Variants in KLF7 observed in about 807,000 individuals in gnomAD.
KLF7 encodes the protein KLF transcription factor 7.
KLF7 carries 2 observed loss-of-function variants against 27.3 expected under a neutral mutation model. The observed-to-expected ratio is 0.07, with a 90% CI of 0.03 to 0.23. The LOEUF (loss-of-function observed/expected upper bound fraction) is 0.23. Ranked by LOEUF, KLF7 falls within the 10% of genes least tolerant of loss-of-function variation. KLF7 has a pLI of 1.00. For synonymous variants in KLF7, 165 were observed against 162.4 expected (o/e 1.02, Z -0.12); for missense variants, 221 against 394.1 (o/e 0.56, Z 3.72).
chr2:207,107,144 G>A (rs2105924340), intron 2 of KLF7, among the ~76,000 whole-genome samples: 1 of 151,988 alleles, frequency 6.6e-6, no homozygotes, highest in Admixed American at 6.5e-5. Flanking sequence ...AAAACTTCAG[G>A]GCATCTCACC....
intron 2 of KLF7, among the ~76,000 whole-genome samples, chr2:207,091,053 C>A (rs1042398628): frequency 2.6e-5 from 4 of 152,090 alleles, no homozygotes; most frequent in Non-Finnish European, 5.9e-5. Flanking sequence ...TCTACAGCAA[C>A]AAGCAGAGAC....
intron 2 of KLF7, among the ~76,000 whole-genome samples, chr2:207,097,966 A>C (rs556881325): frequency 1.3e-5 from 2 of 152,222 alleles, no homozygotes; most frequent in African/African-American, 4.8e-5. Flanking sequence ...ACAAAAACTC[A>C]TAACTGTTTA....
At chr2:207,119,105 C>A (rs2077267593) in intron 2 of KLF7, among the ~76,000 whole-genome samples, 1 of 152,190 alleles carries the variant, frequency 6.6e-6, no homozygotes, top group East Asian at 1.9e-4. Flanking sequence ...TATCACCACC[C>A]ATGGTTTAGG....
chr2:207,096,156 TAG>T (rs1559117378), intron 2 of KLF7, among the ~76,000 whole-genome samples: 2 of 152,154 alleles, frequency 1.3e-5, no homozygotes, highest in Admixed American at 6.5e-5. Flanking sequence ...CTCAAAATCT[TAG>T]AGTTATTTTT....
In KLF7 at chr2:207,075,083, A is replaced by C. The variant is rs1333689506; in HGVS notation, c.*6130T>G. The stretch of plus-strand genomic sequence containing the variant: ...AAACAAGCTAAGGAGAAATACAGTA[A>C]AGTATTCCAAGGCCAAACACATTCT... On this transcript the variant is annotated 3_prime_UTR_variant, in exon 4 of 4. Transcript: ENST00000309446. 1 of 152,224 alleles carries C rather than the reference A, an allele frequency of 6.6e-6. No individual in the cohort carries two copies. The highest frequency in any genetic ancestry group is 2.4e-5 in the African/African-American group (1 of 41,462). 9.4% of individuals were successfully genotyped at this position (152,224 alleles called of 1,614,324 possible).
intron 2 of KLF7, among the ~76,000 whole-genome samples, chr2:207,092,051 CTT>C (rs771648098): frequency 5.3e-5 from 8 of 152,208 alleles, no homozygotes; most frequent in Non-Finnish European, 1.2e-4. Context: ...AAAATCAGCT[CTT>C]CTCTTTCACT....
intron 1 of KLF7, among the ~76,000 whole-genome samples, chr2:207,126,611 C>T (rs546299757): frequency 6.6e-6 from 1 of 152,270 alleles, no homozygotes; most frequent in Non-Finnish European, 1.5e-5. Flanking sequence ...ATCAGTATGC[C>T]TGGGCAACAC....
intron 1 of KLF7, among the ~76,000 whole-genome samples, chr2:207,126,794 A>G (rs1267383697): frequency 1.4e-4 from 20 of 147,992 alleles, no homozygotes; most frequent in Admixed American, 1.2e-3. Flanking sequence ...CAAGACAGCG[A>G]GACCCTGTTT....
intron 1 of KLF7, among the ~76,000 whole-genome samples, chr2:207,130,455 G>A (rs1408457841): frequency 4.6e-5 from 7 of 152,184 alleles, no homozygotes; most frequent in East Asian, 1.9e-4. Context: ...TATACCATAC[G>A]TTCCTAAACA....
At chr2:207,121,249 G>A (rs2077333063) in intron 2 of KLF7, among the ~76,000 whole-genome samples, 1 of 152,142 alleles carries the variant, frequency 6.6e-6, no homozygotes, top group African/African-American at 2.4e-5. Context: ...GGAGCGAGAG[G>A]GAAAAAGCTT....
intron 1 of KLF7, among the ~76,000 whole-genome samples, chr2:207,135,609 A>T (rs1057495331): frequency 3.9e-5 from 6 of 152,200 alleles, no homozygotes; most frequent in Non-Finnish European, 8.8e-5. Context: ...ATCAACTCCC[A>T]AACAATCAAA....
chr2:207,124,425 G>T, intron 1 of KLF7, 21 bp from the exon 2 acceptor site: 1 of 1,535,332 alleles, frequency 6.5e-7, no homozygotes, highest in Non-Finnish European at 8.8e-7. Context: ...AAGAAGGAGG[G>T]AGAGAAACAG....
chr2:207,147,306 T>TA (rs1364937639), intron 1 of KLF7, among the ~76,000 whole-genome samples: 1 of 152,064 alleles, frequency 6.6e-6, no homozygotes, highest in Non-Finnish European at 1.5e-5. Flanking sequence ...AAATTGCTCT[T>TA]AAAAAAATTA....
Position 207,080,965 on chromosome 2 carries a change from C to A in KLF7, c.*248G>T. ...GGTTTCCTTCTTCATCTTCTTCCAT[C>A]TGGCTAGGGCAAGGCATAAAGAATA... On this transcript the variant is annotated 3_prime_UTR_variant, in exon 4 of 4. Coordinates refer to ENST00000309446, the MANE Select transcript of KLF7 (RefSeq NM_003709.4). The A allele has an allele frequency of 2.3e-6, 1 of 439,738 alleles. No individual in the cohort carries two copies. Among genetic ancestry groups the A allele is most frequent in the Non-Finnish European group, 4.0e-6 (1 of 249,470 alleles). 27.2% of individuals were successfully genotyped at this position (439,738 alleles called of 1,614,324 possible).
At chr2:207,113,080 C>T (rs556149144) in intron 2 of KLF7, among the ~76,000 whole-genome samples, 7 of 152,292 alleles carry the variant, frequency 4.6e-5, no homozygotes, top group Non-Finnish European at 8.8e-5. Context: ...CTACTTTATA[C>T]TCTGATATCA....
At chr2:207,088,923 C>T (rs1031950985) in intron 2 of KLF7, among the ~76,000 whole-genome samples, 1 of 152,206 alleles carries the variant, frequency 6.6e-6, no homozygotes, top group Non-Finnish European at 1.5e-5. Context: ...TTCACCCCCA[C>T]AGTCCAGGCA....
At chr2:207,155,845 CA>C (rs1366776967) in intron 1 of KLF7, among the ~76,000 whole-genome samples, 1 of 152,174 alleles carries the variant, frequency 6.6e-6, no homozygotes, top group African/African-American at 2.4e-5. Flanking sequence ...GCTCAAAAGG[CA>C]GGGGGTGTTG....
upstream of KLF7, among the ~76,000 whole-genome samples, chr2:207,171,084 T>C (rs148567624): frequency 3.3e-5 from 5 of 150,698 alleles, no homozygotes; most frequent in African/African-American, 9.8e-5. Flanking sequence ...GATTCATTTG[T>C]GGAAGAGGTC....
chr2:207,148,473 G>T (rs557530109), intron 1 of KLF7, among the ~76,000 whole-genome samples: 24 of 152,284 alleles, frequency 1.6e-4, no homozygotes, highest in African/African-American at 5.8e-4. Flanking sequence ...TGCTTTGAAT[G>T]GATGTATAAA....
Sources: gnomAD v4.1 joint callset for allele counts (sites outside exome capture counted in the v4.1 genomes callset) on GRCh38, gnomAD v4.1.1 for gene constraint, MANE v1.5 for transcripts, NCBI Gene and HGNC (gene_info 2026-07-23, HGNC 2026-07-21) for gene names.